Variants in KLF12 observed in about 807,000 individuals in gnomAD.
KLF12 encodes the protein KLF transcription factor 12.
In KLF12, 9 loss-of-function variants were observed where a neutral mutation model predicts 37.8. The observed-to-expected ratio is 0.24, with a 90% CI of 0.14 to 0.42. The LOEUF (loss-of-function observed/expected upper bound fraction) is 0.42. KLF12 is among the 10% of genes least tolerant of loss of function. The pLI, the probability that KLF12 is intolerant of heterozygous loss-of-function variation, is 1.00. For missense variants in KLF12, 411 were observed against 516.0 expected (o/e 0.80, Z 1.97); for synonymous variants, 208 against 202.1 (o/e 1.03, Z -0.25).
intron 1 of KLF12, among the ~76,000 whole-genome samples, chr13:74,092,766 A>G (rs1300346063): frequency 6.6e-6 from 1 of 152,244 alleles, no homozygotes; most frequent in Non-Finnish European, 1.5e-5. Flanking sequence ...GACAAACCCA[A>G]TGAAAAAATG....
chr13:73,730,238 C>T (rs556627881), intron 6 of KLF12, among the ~76,000 whole-genome samples: 1 of 152,182 alleles, frequency 6.6e-6, no homozygotes, highest in Non-Finnish European at 1.5e-5. Flanking sequence ...AGGCTCTTTG[C>T]ATCTTGCTGG....
the KLF12 span, among the ~76,000 whole-genome samples, chr13:74,182,619 A>C: frequency 6.6e-6 from 1 of 152,222 alleles, no homozygotes; most frequent in East Asian, 1.9e-4. Flanking sequence ...CAACTGCTGC[A>C]CACAGTGTGC....
the KLF12 span, among the ~76,000 whole-genome samples, chr13:74,239,321 T>G: frequency 1.3e-5 from 2 of 149,956 alleles, no homozygotes; most frequent in Middle Eastern, 6.9e-3. Context: ...TGTTATAATT[T>G]CTGTTCTTTT....
intron 2 of KLF12, among the ~76,000 whole-genome samples, chr13:73,953,970 C>CTTTTTTTTTTT (rs67945624): frequency 3.4e-5 from 3 of 88,534 alleles, no homozygotes; most frequent in African/African-American, 1.3e-4. Flanking sequence ...TTTTTTCTTT[C>CTTTTTTTTTTT]TTTTTTTTTT....
the KLF12 span, among the ~76,000 whole-genome samples, chr13:74,210,530 T>C: frequency 2.0e-5 from 3 of 152,280 alleles, no homozygotes; most frequent in Admixed American, 2.0e-4. Context: ...AGTCAAACTG[T>C]TTTTAATCTG....
chr13:73,946,768 A>G (rs556524454), intron 2 of KLF12, among the ~76,000 whole-genome samples: 2 of 152,312 alleles, frequency 1.3e-5, no homozygotes, highest in South Asian at 4.1e-4. Flanking sequence ...ATCTGTATAT[A>G]TGCCTGTTGC....
the KLF12 span, among the ~76,000 whole-genome samples, chr13:74,285,662 CAG>C: frequency 6.6e-6 from 1 of 152,172 alleles, no homozygotes; most frequent in African/African-American, 2.4e-5. Context: ...GAAATGCAAG[CAG>C]AGTACCTGGT....
upstream of KLF12, among the ~76,000 whole-genome samples, chr13:74,134,998 G>A (rs1186224404): frequency 6.6e-6 from 1 of 151,500 alleles, no homozygotes; most frequent in Non-Finnish European, 1.5e-5. Context: ...GGCATCGCCC[G>A]CGCCGGGCAA....
At chr13:74,074,145 C>T (rs376656972) in intron 1 of KLF12, among the ~76,000 whole-genome samples, 1 of 151,284 alleles carries the variant, frequency 6.6e-6, no homozygotes, top group Non-Finnish European at 1.5e-5. Context: ...TTTTCTCATT[C>T]GAGAGAGAGA....
the KLF12 span, among the ~76,000 whole-genome samples, chr13:74,284,014 T>C: frequency 0.77 from 117,350 of 151,742 alleles, 45,632 homozygotes; most frequent in South Asian, 0.88. Flanking sequence ...CCCACCTCCA[T>C]GCCCGGCTAA....
At position 74,129,359 on chromosome 13, in the gene KLF12, A is replaced by G. The variant is rs115076383; in HGVS notation, c.-32+4380T>C. Among the ~76,000 whole-genome samples the G allele has an allele frequency of 1.2e-3, 180 of 152,340 alleles. 1 individual carries two copies. The highest frequency in any genetic ancestry group is 4.2e-3 in the African/African-American group (175 of 41,568). The stretch of plus-strand genomic sequence containing the variant: ...AATAAAGAGGGCCAACTGTATACAT[A>G]TACATCATGCCAGGAATTACTGTGA... On this transcript the variant is annotated intron_variant, in intron 1 of 7. Coordinates refer to ENST00000377669, the MANE Select transcript of KLF12 (RefSeq NM_007249.5).
At chr13:74,000,780 C>T (rs1892259090) in intron 1 of KLF12, among the ~76,000 whole-genome samples, 1 of 152,196 alleles carries the variant, frequency 6.6e-6, no homozygotes, top group African/African-American at 2.4e-5. Context: ...TACACCCCAT[C>T]ATTCTGTGCA....
chr13:74,077,150 G>C (rs550595206), intron 1 of KLF12, among the ~76,000 whole-genome samples: 5 of 152,252 alleles, frequency 3.3e-5, no homozygotes, highest in African/African-American at 1.2e-4. Context: ...GTATTCCTCT[G>C]GGTATATATA....
At chr13:74,185,540 T>C in the KLF12 span, among the ~76,000 whole-genome samples, 1 of 152,210 alleles carries the variant, frequency 6.6e-6, no homozygotes, top group Non-Finnish European at 1.5e-5. Context: ...ATTCAGGCTG[T>C]TGCACAGAAT....
the KLF12 span, among the ~76,000 whole-genome samples, chr13:74,245,288 T>C: frequency 0.085 from 12,386 of 146,424 alleles, 673 homozygotes; most frequent in South Asian, 0.17. Flanking sequence ...GAATGGGAGA[T>C]AAGTTTATCT....
chr13:73,708,425 T>C (rs1213641478), intron 7 of KLF12, among the ~76,000 whole-genome samples: 1 of 152,218 alleles, frequency 6.6e-6, no homozygotes, highest in Non-Finnish European at 1.5e-5. Flanking sequence ...TTTTGCCTTT[T>C]AAAAAATTCA....
chr13:74,177,573 T>C, the KLF12 span, among the ~76,000 whole-genome samples: 6 of 152,214 alleles, frequency 3.9e-5, no homozygotes, highest in African/African-American at 1.4e-4. Flanking sequence ...TTATAAGTTA[T>C]GGGAAGTCAC....
chr13:73,989,911 TA>T (rs1566495602), intron 2 of KLF12, among the ~76,000 whole-genome samples: 1 of 151,832 alleles, frequency 6.6e-6, no homozygotes, highest in African/African-American at 2.4e-5. Flanking sequence ...TAATTACACA[TA>T]AAAGTTTCTT....
At chr13:73,897,232 C>T (rs745917416) in intron 3 of KLF12, among the ~76,000 whole-genome samples, 6 of 152,136 alleles carry the variant, frequency 3.9e-5, no homozygotes, top group Non-Finnish European at 5.9e-5. Context: ...GAAAACAGTT[C>T]ACTTTGCTAA....
Sources: allele counts gnomAD v4.1 joint callset (sites outside exome capture counted in the v4.1 genomes callset), GRCh38; gene constraint gnomAD v4.1.1; transcripts MANE v1.5; gene names NCBI Gene and HGNC (gene_info 2026-07-23, HGNC 2026-07-21).